RAB3C: variants seen among roughly 807,000 people sequenced by gnomAD.
RAB3C encodes RAB3C, member RAS oncogene family.
In RAB3C, 17 loss-of-function variants were observed where a neutral mutation model predicts 26.4. The ratio of observed to expected loss-of-function variants is 0.64; its 90% CI spans 0.44 to 0.97. The LOEUF (loss-of-function observed/expected upper bound fraction) is 0.97. Among genes scored for constraint, RAB3C ranks in the 50% least tolerant of loss-of-function variants. The pLI, the probability that RAB3C is intolerant of heterozygous loss-of-function variation, is 0.00. For synonymous variants in RAB3C, 91 were observed against 95.9 expected (o/e 0.95, Z 0.30); for missense variants, 242 against 281.9 (o/e 0.86, Z 1.01).
At chr5:58,582,944 T>C, upstream of RAB3C, 1 of 883,506 alleles carries the variant, frequency 1.1e-6, no homozygotes. Flanking sequence ...AATGGTTTGC[T>C]TGCTTGCCGG....
At chr5:58,841,589 A>G (rs1052094095) in intron 4 of RAB3C, among the ~76,000 whole-genome samples, 5 of 152,130 alleles carry the variant, frequency 3.3e-5, no homozygotes, top group African/African-American at 7.2e-5. Flanking sequence ...CTACAGGGCA[A>G]TACAGCTGCA....
intron 1 of RAB3C, among the ~76,000 whole-genome samples, chr5:58,585,344 C>T (rs1239029594): frequency 6.6e-6 from 1 of 151,986 alleles, no homozygotes; most frequent in East Asian, 1.9e-4. Flanking sequence ...ATTGTAATCA[C>T]ATTTCACGTG....
chr5:58,842,849 C>T (rs1192014829), intron 4 of RAB3C, among the ~76,000 whole-genome samples: 2 of 152,046 alleles, frequency 1.3e-5, no homozygotes, highest in African/African-American at 2.4e-5. Flanking sequence ...ATATAGACCT[C>T]GAGAAGAATT....
At chr5:58,795,384 G>C (rs1274630240) in intron 3 of RAB3C, among the ~76,000 whole-genome samples, 1 of 152,172 alleles carries the variant, frequency 6.6e-6, no homozygotes, top group Non-Finnish European at 1.5e-5. Flanking sequence ...TTCAGGACAT[G>C]AAGGAAGTCC....
intron 1 of RAB3C, among the ~76,000 whole-genome samples, chr5:58,586,171 A>G (rs1422946982): frequency 6.6e-5 from 10 of 152,124 alleles, no homozygotes; most frequent in Admixed American, 4.6e-4. Context: ...TAACAATCAT[A>G]CATATCTATG....
At chr5:58,812,149 A>G (rs1044109593) in intron 3 of RAB3C, among the ~76,000 whole-genome samples, 1 of 152,116 alleles carries the variant, frequency 6.6e-6, no homozygotes, top group Non-Finnish European at 1.5e-5. Flanking sequence ...CTTCTCACAA[A>G]ACCTGGATGT....
At chr5:58,826,953 T>G (rs1484131597) in intron 4 of RAB3C, among the ~76,000 whole-genome samples, 1 of 152,188 alleles carries the variant, frequency 6.6e-6, no homozygotes, top group Admixed American at 6.5e-5. Context: ...CTTAATGAGT[T>G]CCTTAGACTA....
intron 1 of RAB3C, among the ~76,000 whole-genome samples, chr5:58,586,369 C>T (rs1262746406): frequency 1.3e-5 from 2 of 151,896 alleles, no homozygotes; most frequent in Non-Finnish European, 2.9e-5. Flanking sequence ...TTTGATTCCC[C>T]AAGAAGACAT....
intron 3 of RAB3C, among the ~76,000 whole-genome samples, chr5:58,755,774 T>A (rs1167993278): frequency 6.6e-6 from 1 of 152,184 alleles, no homozygotes; most frequent in Non-Finnish European, 1.5e-5. Flanking sequence ...GACTGCTGAG[T>A]ACTAGGCAAT....
At chr5:58,845,401 T>C (rs1223825138) in intron 4 of RAB3C, among the ~76,000 whole-genome samples, 1 of 151,716 alleles carries the variant, frequency 6.6e-6, no homozygotes, top group Non-Finnish European at 1.5e-5. Flanking sequence ...TGCTCTTTCA[T>C]CTCCATTGAG....
At position 58,781,890 on chromosome 5, in the gene RAB3C, T is replaced by C. The variant is rs554204264; in HGVS notation, c.372-43148T>C. On this transcript the variant is annotated intron_variant, in intron 3 of 4. Transcript: ENST00000282878. Reference sequence around the variant, plus strand: ...ACTTTCATCTCTGTATGTCTCATTTTACTCATTTTTCAAGGTCAAGCTTAG... The same window carrying C: ...ACTTTCATCTCTGTATGTCTCATTTCACTCATTTTTCAAGGTCAAGCTTAG... Among the ~76,000 whole-genome samples the C allele has an allele frequency of 3.9e-5, 6 of 152,314 alleles. No individual in the cohort carries two copies. The East Asian group carries it at 1.2e-3, about 29-fold the overall frequency.
chr5:58,638,860 CA>C (rs925710133), intron 2 of RAB3C, among the ~76,000 whole-genome samples: 1 of 152,232 alleles, frequency 6.6e-6, no homozygotes, highest in Non-Finnish European at 1.5e-5. Flanking sequence ...GAGTTCCCTA[CA>C]AGGTTCCTTG....
chr5:58,682,618 A>G (rs866282470), intron 2 of RAB3C, among the ~76,000 whole-genome samples: 11 of 151,256 alleles, frequency 7.3e-5, no homozygotes, highest in African/African-American at 2.7e-4. Flanking sequence ...CGGGAGGTGG[A>G]GCTTGCAGTG....
chr5:58,726,547 G>C (rs1391045160), intron 3 of RAB3C, among the ~76,000 whole-genome samples: 1 of 151,806 alleles, frequency 6.6e-6, no homozygotes, highest in Non-Finnish European at 1.5e-5. Flanking sequence ...TGTTGTCTTT[G>C]ACTGCCTTAA....
At chr5:58,780,364 C>T (rs112542621) in intron 3 of RAB3C, among the ~76,000 whole-genome samples, 13 of 152,236 alleles carry the variant, frequency 8.5e-5, no homozygotes, top group Admixed American at 5.2e-4. Flanking sequence ...TGCCTCGCAA[C>T]GCTGAAAGAT....
chr5:58,771,262 A>ATATGT (rs150172025), intron 3 of RAB3C, among the ~76,000 whole-genome samples: 15,861 of 152,166 alleles, frequency 0.1, 912 homozygotes, highest in Non-Finnish European at 0.14. Flanking sequence ...GAATATGAAT[A>ATATGT]AATAATTTAT....
intron 4 of RAB3C, among the ~76,000 whole-genome samples, chr5:58,848,765 T>C (rs1450286715): frequency 1.3e-5 from 2 of 152,228 alleles, no homozygotes; most frequent in African/African-American, 2.4e-5. Flanking sequence ...AAGGCAAATG[T>C]CATAAATAAG....
intron 1 of RAB3C, among the ~76,000 whole-genome samples, chr5:58,592,357 A>G (rs1746151800): frequency 6.6e-6 from 1 of 152,128 alleles, no homozygotes; most frequent in African/African-American, 2.4e-5. Context: ...AATTTCATTT[A>G]CCTCATTCTT....
chr5:58,609,272 A>G (rs1416249245), intron 1 of RAB3C, among the ~76,000 whole-genome samples: 1 of 152,174 alleles, frequency 6.6e-6, no homozygotes, highest in Admixed American at 6.5e-5. Context: ...AGGGGGTGCC[A>G]GTCTTGGGGA....
Sources: gnomAD v4.1 joint callset for allele counts (sites outside exome capture counted in the v4.1 genomes callset) on GRCh38, gnomAD v4.1.1 for gene constraint, MANE v1.5 for transcripts, NCBI Gene and HGNC (gene_info 2026-07-23, HGNC 2026-07-21) for gene names.